GALNT13: variants seen among roughly 807,000 people sequenced by gnomAD.
GALNT13 encodes polypeptide N-acetylgalactosaminyltransferase 13.
A neutral mutation model predicts 64.2 loss-of-function variants in GALNT13; 28 were observed. The observed-to-expected ratio is 0.44, with a 90% CI of 0.32 to 0.60. The LOEUF (loss-of-function observed/expected upper bound fraction) is 0.60. Among genes scored for constraint, GALNT13 ranks in the 20% least tolerant of loss-of-function variants. The pLI is 0.05. For missense variants in GALNT13, 577 were observed against 669.8 expected (o/e 0.86, Z 1.53); for synonymous variants, 214 against 224.6 (o/e 0.95, Z 0.42).
chr2:154,258,713 C>T (rs1690521633), intron 7 of GALNT13, among the ~76,000 whole-genome samples: 1 of 151,650 alleles, frequency 6.6e-6, no homozygotes, highest in African/African-American at 2.4e-5. Context: ...GTGCAAAGGG[C>T]AGAAACCTCT....
intron 10 of GALNT13, among the ~76,000 whole-genome samples, chr2:154,403,285 T>C (rs1226483284): frequency 6.6e-6 from 1 of 152,030 alleles, no homozygotes; most frequent in Admixed American, 6.6e-5. Context: ...AAACCGCATT[T>C]CTATTACAAA....
At chr2:153,437,219 A>G in the GALNT13 span, among the ~76,000 whole-genome samples, 9 of 151,864 alleles carry the variant, frequency 5.9e-5, no homozygotes, top group Admixed American at 4.6e-4. Flanking sequence ...GTTCTTTTGC[A>G]TTTGCTGAGG....
chr2:153,876,845 T>A (rs933240237), intron 1 of GALNT13, among the ~76,000 whole-genome samples: 2 of 152,148 alleles, frequency 1.3e-5, no homozygotes, highest in Admixed American at 1.3e-4. Flanking sequence ...ATTGATGGGA[T>A]CTAAAATTTA....
the GALNT13 span, among the ~76,000 whole-genome samples, chr2:153,117,078 T>C: frequency 4.0e-3 from 607 of 151,942 alleles, 4 homozygotes; most frequent in African/African-American, 0.013. Context: ...GGATTACAGG[T>C]GTGAGCCACC....
At chr2:153,196,091 A>C in the GALNT13 span, among the ~76,000 whole-genome samples, 1 of 152,342 alleles carries the variant, frequency 6.6e-6, no homozygotes, top group Admixed American at 6.5e-5. Flanking sequence ...TCCTTGGGCC[A>C]CCAGGAGCGG....
At chr2:153,912,453 G>A (rs947474167) in intron 2 of GALNT13, among the ~76,000 whole-genome samples, 7 of 152,114 alleles carry the variant, frequency 4.6e-5, no homozygotes, top group African/African-American at 1.7e-4. Context: ...GAGAACTAGG[G>A]TGGTCATTTG....
the GALNT13 span, among the ~76,000 whole-genome samples, chr2:153,400,964 C>T: frequency 6.6e-6 from 1 of 151,604 alleles, no homozygotes; most frequent in Non-Finnish European, 1.5e-5. Flanking sequence ...TTGCCTTCTG[C>T]TAGCTTTTGC....
the GALNT13 span, among the ~76,000 whole-genome samples, chr2:153,748,558 T>C: frequency 6.6e-6 from 1 of 152,114 alleles, no homozygotes; most frequent in African/African-American, 2.4e-5. Flanking sequence ...GCCAGTATGA[T>C]ATTTTTATGT....
At chr2:154,429,083 G>A (rs555629579) in intron 11 of GALNT13, among the ~76,000 whole-genome samples, 8 of 152,092 alleles carry the variant, frequency 5.3e-5, no homozygotes, top group African/African-American at 1.9e-4. Context: ...CGCTCCACAG[G>A]GCTTCCTGTT....
the GALNT13 span, among the ~76,000 whole-genome samples, chr2:153,829,855 C>G: frequency 1.8e-4 from 27 of 152,246 alleles, no homozygotes; most frequent in African/African-American, 6.5e-4. Flanking sequence ...TTAGAAGAGA[C>G]TTAATTCCTT....
the GALNT13 span, among the ~76,000 whole-genome samples, chr2:153,072,219 C>T: frequency 8.5e-5 from 13 of 152,126 alleles, no homozygotes; most frequent in East Asian, 1.9e-4. Context: ...TGTTTAAGGG[C>T]GTGGCTTTGT....
At chr2:153,193,993 A>T in the GALNT13 span, among the ~76,000 whole-genome samples, 2 of 152,154 alleles carry the variant, frequency 1.3e-5, no homozygotes, top group East Asian at 1.9e-4. Flanking sequence ...CTTATATGTG[A>T]CTAGACACAT....
chr2:153,991,414 G>A (rs892578846), intron 3 of GALNT13, among the ~76,000 whole-genome samples: 2 of 152,126 alleles, frequency 1.3e-5, no homozygotes, highest in Admixed American at 6.6e-5. Flanking sequence ...GTGAGGCTGC[G>A]CTGGAGGGTG....
the GALNT13 span, among the ~76,000 whole-genome samples, chr2:153,332,319 A>G: frequency 6.6e-6 from 1 of 152,052 alleles, no homozygotes; most frequent in South Asian, 2.1e-4. Context: ...AGCATTATAA[A>G]CTTTCCTCTC....
At chr2:153,678,156 A>AATATATATATATATATAT in the GALNT13 span, among the ~76,000 whole-genome samples, 62 of 145,638 alleles carry the variant, frequency 4.3e-4, no homozygotes, top group African/African-American at 1.5e-3. Flanking sequence ...CCGACAAATG[A>AATATATATATATATATAT]ATATATATAT....
intron 1 of GALNT13, among the ~76,000 whole-genome samples, chr2:153,875,411 T>C (rs769048077): frequency 3.3e-5 from 5 of 152,198 alleles, no homozygotes; most frequent in East Asian, 3.9e-4. Context: ...AAATCTGATA[T>C]TGTTTGAGAG....
rs144564615 is a variant in GALNT13, at chr2:153,999,760, T to A, written c.142+55121T>A. On this transcript the variant is annotated intron_variant, in intron 3 of 12. Coordinates refer to ENST00000392825, the MANE Select transcript of GALNT13 (RefSeq NM_052917.4). ...TTTTTGCATTTATGTTTATTAGTGATACTGGCCTGTAGTTTGTTTTGTTGT... is the reference window on the plus strand; with the variant it reads ...TTTTTGCATTTATGTTTATTAGTGAAACTGGCCTGTAGTTTGTTTTGTTGT... Among the ~76,000 whole-genome samples the A allele has an allele frequency of 1.8e-3, 279 of 152,234 alleles. 1 individual carries two copies. Among genetic ancestry groups the A allele is most frequent in the African/African-American group, 6.4e-3 (264 of 41,558 alleles).
At chr2:153,344,844 G>A in the GALNT13 span, among the ~76,000 whole-genome samples, 1 of 152,120 alleles carries the variant, frequency 6.6e-6, no homozygotes, top group African/African-American at 2.4e-5. Flanking sequence ...ATGTATCAAA[G>A]CATCAAGTTA....
chr2:154,327,303 C>T (rs1694929263), intron 9 of GALNT13, among the ~76,000 whole-genome samples: 1 of 151,990 alleles, frequency 6.6e-6, no homozygotes, highest in Non-Finnish European at 1.5e-5. Context: ...GTCAACTAAA[C>T]CTCCCTCCTT....
Sources: gnomAD v4.1 joint callset for allele counts (sites outside exome capture counted in the v4.1 genomes callset) on GRCh38, gnomAD v4.1.1 for gene constraint, MANE v1.5 for transcripts, NCBI Gene and HGNC (gene_info 2026-07-23, HGNC 2026-07-21) for gene names.